Variants in ADAM2 observed in about 807,000 individuals in gnomAD.
The protein encoded by ADAM2 is disintegrin and metalloproteinase domain-containing protein 2.
A neutral mutation model predicts 99.3 loss-of-function variants in ADAM2; 101 were observed. That is an observed-to-expected ratio of 1.02 (90% CI 0.87 to 1.20). The LOEUF (loss-of-function observed/expected upper bound fraction) is 1.20. ADAM2 is among the 50% of genes most tolerant of loss of function. ADAM2 has a pLI of 0.00. For missense variants in ADAM2, 948 were observed against 878.7 expected, an observed-to-expected ratio of 1.08 and a Z score of -1.00; for synonymous variants, 323 against 287.6, an observed-to-expected ratio of 1.12 and a Z score of -1.25.
chr8:39,751,563 TG>T (rs1801947895), intron 16 of ADAM2, among the ~76,000 whole-genome samples: 1 of 152,176 alleles, frequency 6.6e-6, no homozygotes, highest in Non-Finnish European at 1.5e-5. Context: ...AGTTGTATCA[TG>T]CAGGAAGCTT....
At chr8:39,768,109 T>A (rs1311308490) in intron 12 of ADAM2, among the ~76,000 whole-genome samples, 1 of 152,150 alleles carries the variant, frequency 6.6e-6, no homozygotes, top group African/African-American at 2.4e-5. Flanking sequence ...CATTGCTATC[T>A]ACTGTAATTC....
In ADAM2 at chr8:39,746,507, C is replaced by G; in HGVS notation, c.2139G>C (p.Arg713Ser). 3 of 1,590,052 alleles carry G rather than the reference C, an allele frequency of 1.9e-6. No homozygotes were observed. The highest frequency in any genetic ancestry group is 2.6e-6 in the Non-Finnish European group (3 of 1,171,682). The change falls in exon 19 of 21, where the codon AGG becomes AGC. Residue 713 changes from arginine (R) to serine (S), a missense_variant. Transcript: ENST00000265708. ...AATAGTCCTCAGTTCTCCATTTTTT[C>G]CTTTGGAAATTAACTTTCACCATTA... ...IAIMVKVNFQ[R>S]KKWRTEDYSS...
chr8:39,762,319 A>T (rs1357346610), intron 14 of ADAM2, among the ~76,000 whole-genome samples: 1 of 152,210 alleles, frequency 6.6e-6, no homozygotes, highest in Non-Finnish European at 1.5e-5. Context: ...CCCAGAGGTC[A>T]TTTGCAAGGC....
chr8:39,788,221 G>C lies in ADAM2; in HGVS notation c.673C>G (p.Leu225Val), dbSNP rs763935625. Residue 225 changes from leucine to valine, a missense_variant, in exon 9 of 21, where the codon CTG becomes GTG. Leu to Val is a conservative substitution (Grantham distance 32). Coordinates refer to ENST00000265708, the MANE Select transcript of ADAM2 (RefSeq NM_001464.5). ...IFVSFNITII[L>V]SSLELWIDEN... The stretch of plus-strand genomic sequence containing the variant: ...TCTATCCAAAGCTCCAATGAAGACA[G>C]AATAATTGTAATATTAAATGAAACA... 1.5e-5 allele frequency: 23 copies of C among 1,535,200 alleles called. No individual in the cohort carries two copies. Among genetic ancestry groups the C allele is most frequent in the Non-Finnish European group, 1.9e-5 (22 of 1,136,640 alleles).
At chr8:39,812,742 CT>C (rs1804758910) in intron 6 of ADAM2, among the ~76,000 whole-genome samples, 4 of 152,268 alleles carry the variant, frequency 2.6e-5, no homozygotes, top group African/African-American at 9.6e-5. Context: ...AACTGGATCC[CT>C]TCCTTACCTT....
intron 16 of ADAM2, among the ~76,000 whole-genome samples, chr8:39,750,608 G>A (rs1184549418): frequency 1.3e-5 from 2 of 152,132 alleles, no homozygotes; most frequent in African/African-American, 4.8e-5. Context: ...AGCATACAAT[G>A]AAATTGAGTG....
At chr8:39,837,326 A>C in intron 1 of ADAM2, 114 bp from the exon 2 acceptor site, 1 of 586,384 alleles carries the variant, frequency 1.7e-6, no homozygotes, top group Non-Finnish European at 2.8e-6. Context: ...TCTCATTTTT[A>C]TTATCTTCCC....
chr8:39,744,393 A>G (rs1563329316), intron 20 of ADAM2, among the ~76,000 whole-genome samples: 1 of 151,996 alleles, frequency 6.6e-6, no homozygotes, highest in African/African-American at 2.4e-5. Context: ...ACTACTTAAT[A>G]TATATTTATT....
chr8:39,808,740 A>T (rs185672477), intron 7 of ADAM2, among the ~76,000 whole-genome samples: 1 of 152,028 alleles, frequency 6.6e-6, no homozygotes, highest in East Asian at 1.9e-4. Context: ...ATGTGGTGAA[A>T]CCCCGTCTCT....
intron 14 of ADAM2, 65 bp from the exon 15 acceptor site, chr8:39,761,346 C>G (rs10097616): frequency 0.49 from 418,489 of 845,476 alleles, 106,041 homozygotes; most frequent in South Asian, 0.66. Flanking sequence ...ATAACAAATA[C>G]ACTTAAAATT....
chr8:39,825,968 C>G (rs1041097731), intron 3 of ADAM2, among the ~76,000 whole-genome samples: 1 of 152,112 alleles, frequency 6.6e-6, no homozygotes, highest in African/African-American at 2.4e-5. Flanking sequence ...CTGTAGATTG[C>G]TTTGGGTACT....
At chr8:39,776,833 C>T (rs766389394) in intron 11 of ADAM2, among the ~76,000 whole-genome samples, 192 bp downstream of exon 11, 1 of 152,008 alleles carries the variant, frequency 6.6e-6, no homozygotes, top group African/African-American at 2.4e-5. Context: ...TGTGAGAAAG[C>T]CAGTGTGACA....
chr8:39,754,487 ATGGAGAATTTAAAATGTAAGATAGTCTT>A, intron 16 of ADAM2, among the ~76,000 whole-genome samples: 1 of 152,340 alleles, frequency 6.6e-6, no homozygotes, highest in Non-Finnish European at 1.5e-5. Context: ...TTTAGAAACA[ATGGAGAATTTAAAATGTAAGATAGTCTT>A]GGGCATTAAT....
At chr8:39,789,113 A>G (rs1803596232) in intron 7 of ADAM2, among the ~76,000 whole-genome samples, 2 of 151,802 alleles carry the variant, frequency 1.3e-5, no homozygotes, top group South Asian at 2.1e-4. Context: ...ACCTAAAAGT[A>G]AAGGAACTTA....
In ADAM2 at chr8:39,767,031, C is replaced by G. The variant is rs781232263; in HGVS notation, c.1324G>C (p.Glu442Gln). ...CCENCLFMSK[E>Q]RMCRPSFEEC... ...TCAAAGGAAGGCCTACACATTCTTT[C>G]TTTTGACATAAACTGATGGGATGAG... is the stretch of plus-strand genomic sequence containing the variant. The change falls in exon 14 of 21, where the codon GAA (glutamate) becomes CAA (glutamine). Residue 442 changes from glutamate (E) to glutamine (Q), a missense_variant. Coordinates refer to ENST00000265708, the MANE Select transcript of ADAM2 (RefSeq NM_001464.5). 4 of 1,613,650 alleles carry G rather than the reference C, an allele frequency of 2.5e-6. No individual in the cohort carries two copies. The highest frequency in any genetic ancestry group is 4.5e-5 in the East Asian group (2 of 44,876).
intron 7 of ADAM2, among the ~76,000 whole-genome samples, chr8:39,803,946 AG>A (rs1804321347): frequency 6.6e-6 from 1 of 152,210 alleles, no homozygotes; most frequent in African/African-American, 2.4e-5. Context: ...GAATTGTTAG[AG>A]CCACATCCTT....
At position 39,789,292 on chromosome 8, in the gene ADAM2, CTT is replaced by C. The variant is rs1314242240; in HGVS notation, c.571-554_571-553del. Reference sequence around the variant, plus strand: ...AAAATTTAACAATCGTATTTAAAGACTTAAGTAAACAGCTTTCAATAATAGAA... The same window carrying C: ...AAAATTTAACAATCGTATTTAAAGACAAGTAAACAGCTTTCAATAATAGAA... On this transcript the variant is annotated intron_variant, in intron 7 of 20. Coordinates refer to ENST00000265708, the MANE Select transcript of ADAM2 (RefSeq NM_001464.5). Among the ~76,000 whole-genome samples, 5 of 151,740 alleles carry C rather than the reference CTT, an allele frequency of 3.3e-5. No individual in the cohort carries two copies. The East Asian group carries it at 7.7e-4, about 23-fold the overall frequency.
At chr8:39,834,732 C>CAAAAAAAAAAAAAAA in intron 2 of ADAM2, among the ~76,000 whole-genome samples, 1 of 52,962 alleles carries the variant, frequency 1.9e-5, no homozygotes, top group East Asian at 7.2e-4. Flanking sequence ...AAGACTCCAT[C>CAAAAAAAAAAAAAAA]AAAAAAAAAA....
intron 11 of ADAM2, among the ~76,000 whole-genome samples, chr8:39,769,942 TC>T (rs1468088857): frequency 1.3e-4 from 13 of 97,930 alleles, no homozygotes; most frequent in Middle Eastern, 5.8e-3. Context: ...TTCTTTTTTT[TC>T]TTTTTTCTTT....
Sources: gnomAD v4.1 joint callset for allele counts (sites outside exome capture counted in the v4.1 genomes callset) on GRCh38, gnomAD v4.1.1 for gene constraint, MANE v1.5 for transcripts, NCBI Gene and HGNC (gene_info 2026-07-23, HGNC 2026-07-21) for gene names.